The following PLCD4 variants were observed in gnomAD, a reference collection of about 807,000 sequenced individuals.
The protein encoded by PLCD4 is phospholipase C delta 4.
PLCD4 carries 63 observed loss-of-function variants against 90.2 expected under a neutral mutation model. The observed-to-expected ratio is 0.70, with a 90% confidence interval of 0.57 to 0.86. The LOEUF (loss-of-function observed/expected upper bound fraction) is 0.86. PLCD4 is among the 40% of genes least tolerant of loss of function. The pLI is 0.00. For missense variants in PLCD4, 830 were observed against 956.3 expected (o/e 0.87, Z 1.74); for synonymous variants, 294 against 356.5 (o/e 0.82, Z 1.97).
In PLCD4 at chr2:218,622,999, C is replaced by G. The variant is rs1695953645; in HGVS notation, c.772+121C>G. The G allele has an allele frequency of 9.6e-6, 8 of 829,250 alleles. 1 individual carries two copies. In the South Asian group the frequency reaches 1.3e-4, roughly 14 times the overall value. 51.4% of individuals were successfully genotyped at this position (829,250 alleles called of 1,614,324 possible). On this transcript the variant is annotated intron_variant, in intron 6 of 15. Transcript: ENST00000450993. ...AGGTTGAGTCTATCCCTATCCTGAC[C>G]CCTGCCCAATCATCTCATTTAACCA...
At chr2:218,617,551 T>C (rs1229844698) in intron 3 of PLCD4, among the ~76,000 whole-genome samples, 1 of 150,930 alleles carries the variant, frequency 6.6e-6, no homozygotes, top group African/African-American at 2.4e-5. Context: ...CACTCCAGCC[T>C]GGGTGACAAG....
At chr2:218,630,903 C>T in intron 9 of PLCD4, 101 bp downstream of exon 9, 1 of 1,283,342 alleles carries the variant, frequency 7.8e-7, no homozygotes, top group Non-Finnish European at 1.1e-6. Flanking sequence ...TCTTTCTATC[C>T]TCGGATGGAC....
chr2:218,622,583 T>A lies in PLCD4; in HGVS notation c.541-64T>A, dbSNP rs975555253. The A allele has an allele frequency of 2.8e-4, 357 of 1,254,996 alleles. 1 individual carries two copies. Among genetic ancestry groups the A allele is most frequent in the Non-Finnish European group, 3.5e-4 (326 of 924,052 alleles). The allele number at this position is 1,254,996 out of a possible 1,614,324, so 77.7% of individuals were successfully genotyped here. A position where few individuals can be genotyped will look rare whatever the true frequency, so the allele number is the denominator to read the frequency against. On this transcript the variant is annotated intron_variant, in intron 5 of 15. Coordinates refer to ENST00000450993, the MANE Select transcript of PLCD4 (RefSeq NM_032726.4). ...AGAAAAATTTAAAAAAAAATTTTTT[T>A]AATTAAAAAGATAACATTTCCCATT...
At position 218,634,062 on chromosome 2, in the gene PLCD4, G is replaced by A. The variant is rs1381721700; in HGVS notation, c.1607-43G>A. 6.4e-7 allele frequency: 1 copy of A among 1,564,114 alleles called. No homozygotes were observed. Among genetic ancestry groups the A allele is most frequent in the Non-Finnish European group, 8.7e-7 (1 of 1,153,818 alleles). ...GGTCCTTGGGACTAGGGAAGTGGGA[G>A]ATTCCACCCCACTTCCATCTCCCTC... On this transcript the variant is annotated intron_variant, in intron 11 of 15. Transcript: ENST00000450993. This position sits in a 1 kb window ranked among gnomAD's most constrained non-coding sequence, Gnocchi z 4.0.
At chr2:218,629,949 G>A (rs956841774) in intron 8 of PLCD4, among the ~76,000 whole-genome samples, 9 of 152,158 alleles carry the variant, frequency 5.9e-5, no homozygotes, top group South Asian at 4.1e-4. Context: ...AGGCCGAGGC[G>A]GGTGGATCAC....
At chr2:218,619,092 C>T (rs1695758757) in intron 4 of PLCD4, among the ~76,000 whole-genome samples, 1 of 152,076 alleles carries the variant, frequency 6.6e-6, no homozygotes, top group African/African-American at 2.4e-5. Context: ...AAGAGCTGCA[C>T]AGAAGATCCC....
intron 10 of PLCD4, 199 bp from the exon 11 acceptor site, chr2:218,633,406 T>C: frequency 1.4e-6 from 1 of 726,376 alleles, no homozygotes; most frequent in Non-Finnish European, 2.5e-6. Context: ...GCCCGCTGTT[T>C]TGTCCGTCTA....
chr2:218,626,601 A>G (rs1212558420), intron 6 of PLCD4, among the ~76,000 whole-genome samples: 1 of 152,248 alleles, frequency 6.6e-6, no homozygotes, highest in Admixed American at 6.5e-5. Flanking sequence ...TGCCCTGGGC[A>G]TAGAGTGAGT....
intron 10 of PLCD4, among the ~76,000 whole-genome samples, chr2:218,632,606 C>G (rs549876978): frequency 2.0e-5 from 3 of 152,198 alleles, no homozygotes; most frequent in South Asian, 2.1e-4. Flanking sequence ...CCATTTGGCT[C>G]TCTCCTGGGT....
At position 218,636,613 on chromosome 2, in the gene PLCD4, T is replaced by A. The variant is rs1040235865; in HGVS notation, c.*36T>A. 3 of 1,585,790 alleles carry A rather than the reference T, an allele frequency of 1.9e-6. No individual in the cohort carries two copies. The highest frequency in any genetic ancestry group is 2.6e-6 in the Non-Finnish European group (3 of 1,156,648). On this transcript the variant is annotated 3_prime_UTR_variant, in exon 16 of 16. Transcript: ENST00000450993. ...TCACGGGAAGGGTTGGTGTGCTGGC[T>A]TTAGACGGGGAGAAACATCTGGAAG...
chr2:218,616,927 T>TATATATATATATATATATATATAG (rs1553571947), intron 3 of PLCD4, among the ~76,000 whole-genome samples: 1 of 13,760 alleles, frequency 7.3e-5, no homozygotes, highest in Non-Finnish European at 1.3e-4. Flanking sequence ...TATATATATA[T>TATATATATATATATATATATATAG]AGAGAGAGAG....
intron 3 of PLCD4, among the ~76,000 whole-genome samples, chr2:218,616,898 TTATATATATATATA>T (rs1174872985): frequency 4.8e-4 from 3 of 6,254 alleles, no homozygotes; most frequent in Non-Finnish European, 8.5e-4. Context: ...AGCCATTATT[TTATATATATATATA>T]TATATATATA....
At chr2:218,611,426 G>T (rs535746100) in intron 1 of PLCD4, among the ~76,000 whole-genome samples, 1 of 152,246 alleles carries the variant, frequency 6.6e-6, no homozygotes, top group South Asian at 2.1e-4. Flanking sequence ...GGACACAGGC[G>T]TAAGGGAAGG....
At chr2:218,615,022 A>G (rs532016895) in intron 1 of PLCD4, among the ~76,000 whole-genome samples, 51 of 151,682 alleles carry the variant, frequency 3.4e-4, no homozygotes, top group Middle Eastern at 3.4e-3. Context: ...AGGTCAGGAG[A>G]TTGAGACCAT....
chr2:218,626,606 G>C (rs1696130097), intron 6 of PLCD4, among the ~76,000 whole-genome samples: 1 of 152,226 alleles, frequency 6.6e-6, no homozygotes, highest in African/African-American at 2.4e-5. Context: ...TGGGCATAGA[G>C]TGAGTGCTTG....
intron 8 of PLCD4, among the ~76,000 whole-genome samples, chr2:218,630,324 G>C (rs1284508842): frequency 6.6e-6 from 1 of 152,208 alleles, no homozygotes; most frequent in East Asian, 1.9e-4. Flanking sequence ...AGTGCAACAT[G>C]AACACATAAC....
At position 218,636,967 on chromosome 2, in the gene PLCD4, G is replaced by A. The variant is rs1696799887; in HGVS notation, c.*390G>A. ...GCTTGGAATAGAGAAACCTAAAGAA[G>A]CATCATCCCCTCCATCCCCAACTTC... On this transcript the variant is annotated 3_prime_UTR_variant, in exon 16 of 16. Transcript: ENST00000450993. The A allele has an allele frequency of 2.2e-6, 1 of 455,524 alleles. No homozygotes were observed. The allele number at this position is 455,524 out of a possible 1,614,324, so 28.2% of individuals were successfully genotyped here.
At chr2:218,610,953 C>T (rs1377247635) in intron 1 of PLCD4, among the ~76,000 whole-genome samples, 1 of 152,178 alleles carries the variant, frequency 6.6e-6, no homozygotes, top group Admixed American at 6.6e-5. Context: ...GTCTCGAACT[C>T]CTGGCCTTAC....
At chr2:218,608,417 T>C (rs1213949991) in intron 1 of PLCD4, among the ~76,000 whole-genome samples, 2 of 152,122 alleles carry the variant, frequency 1.3e-5, no homozygotes, top group Non-Finnish European at 2.9e-5. Flanking sequence ...ATTAACAGTT[T>C]GTTGAGGGTT....
Sources: gnomAD v4.1 joint callset for allele counts (sites outside exome capture counted in the v4.1 genomes callset) on GRCh38, gnomAD v4.1.1 for gene constraint, Gnocchi (gnomAD v3.1) non-coding constraint, MANE v1.5 for transcripts, NCBI Gene and HGNC (gene_info 2026-07-23, HGNC 2026-07-21) for gene names.